ARMH3: variants seen among roughly 807,000 people sequenced by gnomAD.
ARMH3 encodes the protein armadillo like helical domain containing 3.
A neutral mutation model predicts 99.1 loss-of-function variants in ARMH3; 60 were observed. The ratio of observed to expected loss-of-function variants is 0.61; its 90% CI spans 0.49 to 0.75. ARMH3 has a LOEUF of 0.75. Among genes scored for constraint, ARMH3 ranks in the 30% least tolerant of loss-of-function variants. The pLI is 0.00. For synonymous variants in ARMH3, 285 were observed against 292.8 expected (o/e 0.97, Z 0.27); for missense variants, 679 against 843.1 (o/e 0.81, Z 2.41).
At chr10:101,900,350 C>A (rs2067944402) in intron 23 of ARMH3, among the ~76,000 whole-genome samples, 4 of 152,096 alleles carry the variant, frequency 2.6e-5, no homozygotes, top group Admixed American at 2.6e-4. Context: ...TATAAAGGAA[C>A]AAAATGGCCT....
At chr10:101,899,508 A>C (rs2067922232) in intron 23 of ARMH3, among the ~76,000 whole-genome samples, 1 of 152,196 alleles carries the variant, frequency 6.6e-6, no homozygotes, top group Non-Finnish European at 1.5e-5. Flanking sequence ...CATTTCATGC[A>C]GTACTAAGCT....
chr10:101,880,610 A>C (rs191554736), intron 24 of ARMH3, among the ~76,000 whole-genome samples: 1 of 152,216 alleles, frequency 6.6e-6, no homozygotes, highest in African/African-American at 2.4e-5. Flanking sequence ...TTCACACCGA[A>C]CACTACCAAT....
intron 20 of ARMH3, among the ~76,000 whole-genome samples, chr10:101,960,417 G>A (rs1305504298): frequency 6.6e-6 from 1 of 152,138 alleles, no homozygotes; most frequent in African/African-American, 2.4e-5. Context: ...AAGTCTGTGA[G>A]GCTTTGACAT....
intron 23 of ARMH3, chr10:101,913,032 GC>G (rs1310551103): frequency 6.6e-6 from 1 of 152,256 alleles, no homozygotes; most frequent in Non-Finnish European, 1.5e-5. Flanking sequence ...TCAGGCAGGA[GC>G]GCAGTGGCAC....
At chr10:102,007,625 C>A (rs2066529923) in intron 13 of ARMH3, among the ~76,000 whole-genome samples, 1 of 143,718 alleles carries the variant, frequency 7.0e-6, no homozygotes, top group African/African-American at 2.6e-5. Flanking sequence ...TCAAGACCAT[C>A]CTGGCTAACA....
chr10:102,040,032 A>G lies in ARMH3; in HGVS notation c.83T>C (p.Met28Thr). The change falls in exon 2 of 26, where the codon ATG becomes ACG. Residue 28 changes from methionine to threonine, a missense_variant. This residue lies in a region of ARMH3 where 280 missense variants were observed against 354.6 expected (regional missense o/e 0.79). Coordinates refer to ENST00000370033, the MANE Select transcript of ARMH3 (RefSeq NM_024541.3). The stretch of plus-strand genomic sequence containing the variant: ...CCTTACCATGAAGATCTCATCATAC[A>G]TCAGCACCACTTTTTCCTTCAGTGG... ...KKPLKEKVVL[M>T]YDEIFMTEDP... is the part of the protein sequence containing the mutation. 2 of 1,614,160 alleles carry G rather than the reference A, an allele frequency of 1.2e-6. No homozygotes were observed. Among genetic ancestry groups the G allele is most frequent in the Non-Finnish European group, 1.7e-6 (2 of 1,179,972 alleles).
intron 16 of ARMH3, among the ~76,000 whole-genome samples, chr10:101,994,792 T>C (rs1846977901): frequency 6.6e-6 from 1 of 152,154 alleles, no homozygotes; most frequent in African/African-American, 2.4e-5. Flanking sequence ...ATCCCAGCAC[T>C]TTGGGAGGCC....
intron 24 of ARMH3, among the ~76,000 whole-genome samples, chr10:101,855,797 AT>A (rs1242649964): frequency 1.3e-5 from 2 of 148,756 alleles, no homozygotes; most frequent in African/African-American, 2.4e-5. Context: ...AAAGAAAAAA[AT>A]AATAGTTCTG....
At chr10:101,935,397 T>C (rs1041483260) in intron 23 of ARMH3, among the ~76,000 whole-genome samples, 5 of 152,154 alleles carry the variant, frequency 3.3e-5, no homozygotes, top group Middle Eastern at 3.4e-3. Flanking sequence ...GACTAAGCCA[T>C]GAAAGACAAG....
chr10:101,973,120 GGA>G (rs1389121852), intron 20 of ARMH3, among the ~76,000 whole-genome samples: 1 of 152,122 alleles, frequency 6.6e-6, no homozygotes, highest in Non-Finnish European at 1.5e-5. Flanking sequence ...TAGCACTTTG[GGA>G]GGCCGAGGTG....
chr10:102,026,351 C>A (rs2067001942), intron 5 of ARMH3, among the ~76,000 whole-genome samples: 1 of 152,166 alleles, frequency 6.6e-6, no homozygotes, highest in East Asian at 1.9e-4. Context: ...AAAACTCAGA[C>A]CATGACCCTT....
At chr10:102,017,554 T>C (rs2066777504) in intron 8 of ARMH3, among the ~76,000 whole-genome samples, 1 of 152,214 alleles carries the variant, frequency 6.6e-6, no homozygotes, top group Non-Finnish European at 1.5e-5. Flanking sequence ...TCATTACTGA[T>C]GATAGTGTGT....
chr10:102,040,118 T>G lies in ARMH3; in HGVS notation c.-4A>C, dbSNP rs1448928364. The G allele has an allele frequency of 6.2e-7, 1 of 1,613,408 alleles. No homozygotes were observed. The highest frequency in any genetic ancestry group is 2.2e-5 in the East Asian group (1 of 44,868). Reference sequence around the variant, plus strand: ...CACGTTTCTCTACCTGTGCCATGGTTAGAGAATCTGTGAACAGAAAGTCAC... The same window carrying G: ...CACGTTTCTCTACCTGTGCCATGGTGAGAGAATCTGTGAACAGAAAGTCAC... On this transcript the variant is annotated 5_prime_UTR_variant, in exon 2 of 26. Transcript: ENST00000370033.
intron 23 of ARMH3, among the ~76,000 whole-genome samples, chr10:101,938,847 C>T (rs1278121510): frequency 6.6e-6 from 1 of 152,236 alleles, no homozygotes; most frequent in Admixed American, 6.5e-5. Flanking sequence ...CCAACCTTCA[C>T]TGCAATCTTG....
intron 15 of ARMH3, among the ~76,000 whole-genome samples, chr10:101,997,158 A>C (rs1353359067): frequency 6.6e-6 from 1 of 151,984 alleles, no homozygotes; most frequent in African/African-American, 2.4e-5. Flanking sequence ...CCAGCTACTC[A>C]GGAGGCTGAG....
intron 18 of ARMH3, 61 bp downstream of exon 18, chr10:101,991,908 C>T: frequency 6.9e-7 from 1 of 1,454,412 alleles, no homozygotes; most frequent in Non-Finnish European, 9.6e-7. Context: ...TACTCTTCAT[C>T]TTCATCATGA....
Position 102,029,683 on chromosome 10 carries a change from A to G in ARMH3, c.369T>C (p.Ile123=). The stretch of plus-strand genomic sequence containing the variant: ...TGTCAAAGCCCATCAGCATGTTGAT[A>G]ATGTCAAACCCAGAGGTAGACTTAT... ...QKNKSTSGFD[I]INMLMGFDKA... The change falls in exon 5 of 26, where the codon ATT becomes ATC. Residue 123 remains isoleucine, a synonymous_variant. Transcript: ENST00000370033. The G allele has an allele frequency of 6.2e-7, 1 of 1,614,210 alleles. No homozygotes were observed. Among genetic ancestry groups the G allele is most frequent in the Non-Finnish European group, 8.5e-7 (1 of 1,180,042 alleles).
intron 22 of ARMH3, among the ~76,000 whole-genome samples, chr10:101,942,466 A>T (rs914359725): frequency 1.3e-5 from 2 of 152,254 alleles, no homozygotes; most frequent in Admixed American, 6.5e-5. Context: ...AGCTTAAAAC[A>T]TAATGTCATT....
intron 14 of ARMH3, among the ~76,000 whole-genome samples, chr10:102,004,222 A>T (rs911859796): frequency 1.3e-5 from 2 of 152,236 alleles, no homozygotes; most frequent in Admixed American, 6.5e-5. Context: ...ATACCTTTAA[A>T]TATAAGTGGG....
Sources: allele counts gnomAD v4.1 joint callset (sites outside exome capture counted in the v4.1 genomes callset), GRCh38; gene constraint gnomAD v4.1.1; regional missense constraint gnomAD v4.1.1; transcripts MANE v1.5; gene names NCBI Gene and HGNC (gene_info 2026-07-23, HGNC 2026-07-21).